CADM2: variants seen among roughly 807,000 people sequenced by gnomAD.
CADM2 encodes immunoglobulin superfamily member 4D.
CADM2 carries 12 observed loss-of-function variants against 49.8 expected under a neutral mutation model. The ratio of observed to expected loss-of-function variants is 0.24; its 90% CI spans 0.15 to 0.39. The LOEUF (loss-of-function observed/expected upper bound fraction) is 0.39, where lower values mean the gene tolerates loss of function less well. CADM2 is among the 10% of genes least tolerant of loss of function. The pLI is 1.00. For synonymous variants in CADM2, 214 were observed against 175.4 expected, an observed-to-expected ratio of 1.22 and a Z score of -1.74; for missense variants, 378 against 492.3, an observed-to-expected ratio of 0.77 and a Z score of 2.20.
intron 1 of CADM2, among the ~76,000 whole-genome samples, chr3:85,052,576 A>G (rs1307191620): frequency 6.6e-6 from 1 of 152,114 alleles, no homozygotes; most frequent in African/African-American, 2.4e-5. Context: ...ATTTTACAGT[A>G]TATTGGTCTA....
intron 7 of CADM2, among the ~76,000 whole-genome samples, chr3:85,961,023 T>A (rs1269185695): frequency 1.4e-5 from 2 of 144,306 alleles, no homozygotes; most frequent in South Asian, 4.3e-4. Flanking sequence ...TTATATATAT[T>A]TATACTCATA....
At chr3:85,524,413 TTTAG>T (rs1476869257) in intron 1 of CADM2, among the ~76,000 whole-genome samples, 1 of 152,124 alleles carries the variant, frequency 6.6e-6, no homozygotes, top group Admixed American at 6.6e-5. Context: ...TTCATTTTCA[TTTAG>T]TTATTTATAT....
At chr3:85,829,942 C>T (rs1378566894) in intron 3 of CADM2, among the ~76,000 whole-genome samples, 3 of 151,810 alleles carry the variant, frequency 2.0e-5, no homozygotes, top group African/African-American at 7.3e-5. Flanking sequence ...TTAATTTTAC[C>T]TCTTGACTAT....
At chr3:85,218,227 A>T (rs2041974023) in intron 1 of CADM2, among the ~76,000 whole-genome samples, 1 of 152,186 alleles carries the variant, frequency 6.6e-6, no homozygotes, top group African/African-American at 2.4e-5. Flanking sequence ...GAAGTGAGTT[A>T]TATTCCAGAC....
intron 8 of CADM2, among the ~76,000 whole-genome samples, chr3:86,048,435 C>T (rs906670452): frequency 6.6e-6 from 1 of 151,982 alleles, no homozygotes; most frequent in African/African-American, 2.4e-5. Context: ...CACATACCTA[C>T]TCTGAAATGA....
chr3:85,506,984 A>G (rs1489978938), intron 1 of CADM2, among the ~76,000 whole-genome samples: 3 of 152,200 alleles, frequency 2.0e-5, no homozygotes, highest in African/African-American at 7.2e-5. Context: ...TAATTTATCT[A>G]AAACAAGGTT....
intron 1 of CADM2, among the ~76,000 whole-genome samples, chr3:85,467,972 G>T (rs1179357783): frequency 6.6e-6 from 1 of 151,686 alleles, no homozygotes; most frequent in African/African-American, 2.4e-5. Flanking sequence ...GGCTAAAACG[G>T]TGAAACCCCG....
intron 5 of CADM2, among the ~76,000 whole-genome samples, chr3:85,897,239 A>ATTTT (rs1559728598): frequency 6.1e-5 from 5 of 82,240 alleles, no homozygotes; most frequent in Admixed American, 1.6e-4. Context: ...TTTAACCTAC[A>ATTTT]TCTTTTTTTT....
At chr3:85,425,659 A>C (rs1045840498) in intron 1 of CADM2, among the ~76,000 whole-genome samples, 2 of 152,140 alleles carry the variant, frequency 1.3e-5, no homozygotes, top group African/African-American at 4.8e-5. Context: ...CACCCCTCTC[A>C]GTCATTTTTG....
chr3:85,218,526 A>G (rs147726063), intron 1 of CADM2, among the ~76,000 whole-genome samples: 1,751 of 152,226 alleles, frequency 0.012, 28 homozygotes, highest in African/African-American at 0.04. Flanking sequence ...GGTAAAGTGT[A>G]CAGGCTCACT....
At chr3:85,334,488 C>T (rs1413418313) in intron 1 of CADM2, among the ~76,000 whole-genome samples, 4 of 151,570 alleles carry the variant, frequency 2.6e-5, no homozygotes, top group Non-Finnish European at 5.9e-5. Flanking sequence ...TGTAATAGTG[C>T]CTCTGGTCAA....
chr3:84,960,480 T>C (rs1179029124), intron 1 of CADM2: 2 of 151,942 alleles, frequency 1.3e-5, no homozygotes, highest in Non-Finnish European at 2.9e-5. Flanking sequence ...GTCTGTGTCG[T>C]TTCTTTTTTT....
intron 1 of CADM2, among the ~76,000 whole-genome samples, chr3:85,619,231 G>A (rs1354886926): frequency 1.3e-5 from 2 of 151,998 alleles, no homozygotes; most frequent in East Asian, 3.9e-4. Context: ...ATTTCAGGCA[G>A]CGTGTTTCTT....
rs1739384960 is a variant in CADM2 at position 86,066,738 on chromosome 3, A to G, written c.1170A>G (p.Glu390=). The change falls in exon 10 of 10, where the codon GAA becomes GAG. Residue 390 remains glutamate (E), a synonymous_variant. Coordinates refer to ENST00000383699, the MANE Select transcript of CADM2 (RefSeq NM_001167675.2). ...CTGATACAGCCATTATCAATGCTGA[A>G]GGCAGCCAAGTCAATGCTGAAGAGA... is the stretch of plus-strand genomic sequence containing the variant. ...PDADTAIINA[E]GSQVNAEEKK... 6.2e-7 allele frequency: 1 copy of G among 1,613,984 alleles called. No homozygotes were observed. Among genetic ancestry groups the G allele is most frequent in the East Asian group, 2.2e-5 (1 of 44,866 alleles).
chr3:85,850,173 C>G (rs1229912617), intron 3 of CADM2, among the ~76,000 whole-genome samples: 1 of 152,026 alleles, frequency 6.6e-6, no homozygotes, highest in African/African-American at 2.4e-5. Flanking sequence ...TCCAGCGGCT[C>G]TATCTGCCTT....
intron 1 of CADM2, among the ~76,000 whole-genome samples, chr3:85,555,931 T>C (rs2061945919): frequency 6.6e-6 from 1 of 152,146 alleles, no homozygotes; most frequent in Admixed American, 6.6e-5. Context: ...TCATGGAATG[T>C]GACTAACATG....
At chr3:85,856,095 C>T (rs1489059756) in intron 3 of CADM2, among the ~76,000 whole-genome samples, 3 of 151,990 alleles carry the variant, frequency 2.0e-5, no homozygotes, top group African/African-American at 7.3e-5. Flanking sequence ...CTTCTTTTTG[C>T]TAGAGTTTAG....
chr3:84,992,295 C>T (rs2032935677), intron 1 of CADM2, among the ~76,000 whole-genome samples: 1 of 152,142 alleles, frequency 6.6e-6, no homozygotes, highest in Middle Eastern at 3.2e-3. Context: ...TTTACCCTTA[C>T]TTATTGAATT....
chr3:85,156,530 A>G (rs1198558980), intron 1 of CADM2, among the ~76,000 whole-genome samples: 8 of 152,000 alleles, frequency 5.3e-5, no homozygotes, highest in African/African-American at 1.7e-4. Flanking sequence ...ATTCACAGCC[A>G]AATTCTACCA....
Sources: gnomAD v4.1 joint callset for allele counts (sites outside exome capture counted in the v4.1 genomes callset) on GRCh38, gnomAD v4.1.1 for gene constraint, MANE v1.5 for transcripts, NCBI Gene and HGNC (gene_info 2026-07-23, HGNC 2026-07-21) for gene names.